Variants in CA10 observed in about 807,000 individuals in gnomAD.
The protein encoded by CA10 is carbonic anhydrase 10 (inactive).
A neutral mutation model predicts 44.2 loss-of-function variants in CA10; 14 were observed. The observed-to-expected ratio is 0.32, with a 90% CI of 0.21 to 0.50. The LOEUF is 0.50. Among genes scored for constraint, CA10 ranks in the 20% least tolerant of loss-of-function variants. The pLI is 0.99. For synonymous variants in CA10, 159 were observed against 141.6 expected (o/e 1.12, Z -0.87); for missense variants, 350 against 409.7 (o/e 0.85, Z 1.26).
chr17:52,069,118 C>T (rs758967725), intron 2 of CA10, among the ~76,000 whole-genome samples: 5 of 152,150 alleles, frequency 3.3e-5, no homozygotes, highest in Admixed American at 2.6e-4. Context: ...ACATATTATA[C>T]AGATAATCTG....
chr17:51,828,244 G>T (rs1255458158), intron 3 of CA10, among the ~76,000 whole-genome samples: 1 of 152,142 alleles, frequency 6.6e-6, no homozygotes, highest in African/African-American at 2.4e-5. Context: ...TTTTCGTGGA[G>T]GTTATATACA....
chr17:51,929,538 T>A (rs945637567), intron 3 of CA10, among the ~76,000 whole-genome samples: 1 of 152,144 alleles, frequency 6.6e-6, no homozygotes, highest in African/African-American at 2.4e-5. Flanking sequence ...ATTCTGTATC[T>A]TGGGCTTTTC....
chr17:51,931,880 T>A (rs933278793), intron 2 of CA10, among the ~76,000 whole-genome samples: 11 of 152,130 alleles, frequency 7.2e-5, no homozygotes, highest in African/African-American at 2.7e-4. Context: ...TTCTCTCTAT[T>A]TAAGAAAGTT....
intron 2 of CA10, among the ~76,000 whole-genome samples, chr17:51,970,510 C>T (rs906720250): frequency 1.3e-5 from 2 of 151,634 alleles, no homozygotes; most frequent in Admixed American, 1.3e-4. Context: ...AGAGGAAAAG[C>T]GATTCTGTTA....
intron 3 of CA10, among the ~76,000 whole-genome samples, chr17:51,809,728 G>T (rs982497701): frequency 6.6e-6 from 1 of 152,204 alleles, no homozygotes; most frequent in African/African-American, 2.4e-5. Flanking sequence ...TATCGGGGAA[G>T]ATATTAACAG....
intron 2 of CA10, among the ~76,000 whole-genome samples, chr17:51,945,494 A>G (rs936214065): frequency 2.4e-4 from 37 of 152,136 alleles, no homozygotes; most frequent in Admixed American, 2.0e-3. Context: ...AGAAAACTCC[A>G]GGGGGCTGAG....
chr17:52,045,424 T>C (rs1482479083), intron 2 of CA10, among the ~76,000 whole-genome samples: 2 of 152,014 alleles, frequency 1.3e-5, no homozygotes, highest in Non-Finnish European at 2.9e-5. Context: ...GAAAGATTTT[T>C]CTCATTTTTA....
chr17:51,877,267 G>A (rs1980123286), intron 3 of CA10, among the ~76,000 whole-genome samples: 1 of 152,180 alleles, frequency 6.6e-6, no homozygotes, highest in Non-Finnish European at 1.5e-5. Context: ...ATGGACATGA[G>A]GTATGTGTGA....
chr17:51,711,282 T>A lies in CA10; in HGVS notation c.465+36351A>T, dbSNP rs182833356. Among the ~76,000 whole-genome samples, 855 of 152,282 alleles carry A rather than the reference T, an allele frequency of 5.6e-3. 5 individuals carry two copies. Among genetic ancestry groups the A allele is most frequent in the Non-Finnish European group, 0.01 (692 of 68,026 alleles). ...ATGACTCCTATCAGCGGGTGTGTTG[T>A]TCTGGTTTCGAGATATACTATTAGG... On this transcript the variant is annotated intron_variant, in intron 4 of 8. Transcript: ENST00000451037.
At chr17:52,102,911 C>T (rs1413762515) in intron 1 of CA10, among the ~76,000 whole-genome samples, 1 of 152,152 alleles carries the variant, frequency 6.6e-6, no homozygotes, top group African/African-American at 2.4e-5. Flanking sequence ...CTTATGTACC[C>T]TTCACCCTCT....
chr17:51,911,506 A>C (rs142817600), intron 3 of CA10, among the ~76,000 whole-genome samples: 593 of 152,266 alleles, frequency 3.9e-3, no homozygotes, highest in Middle Eastern at 0.01. Flanking sequence ...TCTGTATTGC[A>C]ATAGGCCCTG....
chr17:51,735,933 G>A (rs1336709977), intron 4 of CA10, among the ~76,000 whole-genome samples: 1 of 151,732 alleles, frequency 6.6e-6, no homozygotes, highest in Non-Finnish European at 1.5e-5. Context: ...TAGGGTAGGA[G>A]GGAAGGACTA....
chr17:51,826,478 T>C (rs1296749893), intron 3 of CA10, among the ~76,000 whole-genome samples: 1 of 152,354 alleles, frequency 6.6e-6, no homozygotes, highest in South Asian at 2.1e-4. Context: ...TGAAAGGACT[T>C]CATAAGCTAT....
intron 3 of CA10, among the ~76,000 whole-genome samples, chr17:51,769,669 C>T (rs1446748601): frequency 6.6e-6 from 1 of 152,176 alleles, no homozygotes; most frequent in Non-Finnish European, 1.5e-5. Context: ...AGTCATCCTT[C>T]TGTTTGAACT....
chr17:51,631,344 A>ATGTT lies in CA10; in HGVS notation c.*236_*239dup, dbSNP rs2143193428. The ATGTT allele has an allele frequency of 1.8e-6, 1 of 550,732 alleles. No homozygotes were observed. Among genetic ancestry groups the ATGTT allele is most frequent in the South Asian group, 2.3e-5 (1 of 43,258 alleles). 34.1% of individuals were successfully genotyped at this position (550,732 alleles called of 1,614,324 possible). The stretch of plus-strand genomic sequence containing the variant: ...TGTAAGAGTGTGTGTGTGTGTAGGT[A>ATGTT]TGTTTGCATGTGTTTGTATGTATGT... On this transcript the variant is annotated 3_prime_UTR_variant, in exon 9 of 9. Transcript: ENST00000451037.
intron 4 of CA10, among the ~76,000 whole-genome samples, chr17:51,702,405 G>A (rs942332376): frequency 6.6e-6 from 1 of 152,074 alleles, no homozygotes; most frequent in Non-Finnish European, 1.5e-5. Context: ...TCTCATCCTT[G>A]GTGGCACACA....
At chr17:51,785,847 C>T (rs1906250300) in intron 3 of CA10, among the ~76,000 whole-genome samples, 1 of 152,032 alleles carries the variant, frequency 6.6e-6, no homozygotes, top group South Asian at 2.1e-4. Context: ...TAAAGAATGC[C>T]ATTGGTATTT....
intron 4 of CA10, among the ~76,000 whole-genome samples, chr17:51,746,537 T>C (rs1180531044): frequency 1.3e-5 from 2 of 152,212 alleles, no homozygotes; most frequent in Admixed American, 6.5e-5. Context: ...TCAAGCAAAA[T>C]TTACCACTTC....
intron 3 of CA10, among the ~76,000 whole-genome samples, chr17:51,884,873 T>C (rs1274521244): frequency 6.6e-6 from 1 of 152,202 alleles, no homozygotes; most frequent in Non-Finnish European, 1.5e-5. Flanking sequence ...GACACATCAT[T>C]CCAATCCCTT....
Sources: gnomAD v4.1 joint callset for allele counts (sites outside exome capture counted in the v4.1 genomes callset) on GRCh38, gnomAD v4.1.1 for gene constraint, MANE v1.5 for transcripts, NCBI Gene and HGNC (gene_info 2026-07-23, HGNC 2026-07-21) for gene names.